NOD2: variants seen among roughly 807,000 people sequenced by gnomAD.
NOD2 encodes nucleotide binding oligomerization domain containing 2.
In NOD2, 86 loss-of-function variants were observed where a neutral mutation model predicts 90.9. The ratio of observed to expected loss-of-function variants is 0.95; its 90% CI spans 0.79 to 1.13. NOD2 has a LOEUF of 1.13. Among genes scored for constraint, NOD2 ranks in the 50% most tolerant of loss-of-function variants. NOD2 has a pLI of 0.00. For missense variants in NOD2, 1,238 were observed against 1,283.8 expected (o/e 0.96, Z 0.55); for synonymous variants, 581 against 554.6 (o/e 1.05, Z -0.67).
Position 50,698,478 on chromosome 16 carries a change from A to G in NOD2, c.-8-1010A>G, listed in dbSNP as rs142257193. 6.6e-5 allele frequency among the ~76,000 whole-genome samples: 10 copies of G among 152,326 alleles called. No homozygotes were observed. In the East Asian group the frequency reaches 1.9e-3, roughly 29 times the overall value. ...ACCGTAATTTTTCACTTCGCCTAGG[A>G]CAGGACCTTTAGAGCAATATTCTGA... On this transcript the variant is annotated intron_variant, in intron 1 of 11. Transcript: ENST00000647318.
intron 6 of NOD2, 68 bp downstream of exon 6, chr16:50,717,042 G>A: frequency 1.3e-5 from 18 of 1,409,850 alleles, no homozygotes; most frequent in Non-Finnish European, 1.8e-5. Context: ...GTCTGATCTG[G>A]TCTTGGCCTG....
intron 4 of NOD2, among the ~76,000 whole-genome samples, chr16:50,715,153 G>T (rs1474534172): frequency 2.0e-5 from 3 of 152,328 alleles, no homozygotes; most frequent in African/African-American, 7.2e-5. Context: ...GAGCCAAGCC[G>T]CCTAGGCTCA....
At position 50,711,611 on chromosome 16, in the gene NOD2, C is replaced by T. The variant is rs1275740212; in HGVS notation, c.1619C>T (p.Ala540Val). 1.2e-6 allele frequency: 2 copies of T among 1,611,714 alleles called. No individual in the cohort carries two copies. Among genetic ancestry groups the T allele is most frequent in the Non-Finnish European group, 1.7e-6 (2 of 1,180,008 alleles). ...GLGMCCYVFS[A>V]QQLQAAQVSP... Reference sequence around the variant, plus strand: ...GGCATGTGCTGCTACGTGTTCTCAGCCCAGCAGCTCCAGGCAGCACAGGTC... The same window carrying T: ...GGCATGTGCTGCTACGTGTTCTCAGTCCAGCAGCTCCAGGCAGCACAGGTC... Residue 540 changes from alanine to valine, a missense_variant, in exon 4 of 12, where the codon GCC becomes GTC. Ala to Val is a moderately conservative substitution (Grantham distance 64, BLOSUM62 0). Around this residue, in one of 3 missense-constraint regions of NOD2, gnomAD observed 667 missense variants for 688.7 expected, o/e 0.97. Coordinates refer to ENST00000647318, the MANE Select transcript of NOD2 (RefSeq NM_001370466.1).
chr16:50,716,956 A>G lies in NOD2; in HGVS notation c.2531A>G (p.Gln844Arg). The G allele has an allele frequency of 6.2e-7, 1 of 1,614,260 alleles. No individual in the cohort carries two copies. Among genetic ancestry groups the G allele is most frequent in the Non-Finnish European group, 8.5e-7 (1 of 1,180,036 alleles). Residue 844 changes from glutamine to arginine, a missense_variant, in exon 6 of 12, where the codon CAG becomes CGG. Gln to Arg is a conservative substitution (Grantham distance 43). Coordinates refer to ENST00000647318, the MANE Select transcript of NOD2 (RefSeq NM_001370466.1). ...HSMAKLLACR[Q>R]NFLALRLGNN... is the part of the protein sequence containing the mutation. ...ATGGCTAAGCTCCTTGCATGCAGGCAGAACTTCTTGGCATTGAGGTGAGCC... is the reference window on the plus strand; with the variant it reads ...ATGGCTAAGCTCCTTGCATGCAGGCGGAACTTCTTGGCATTGAGGTGAGCC...
chr16:50,706,772 C>A (rs1441131032), intron 2 of NOD2, among the ~76,000 whole-genome samples: 2 of 150,840 alleles, frequency 1.3e-5, no homozygotes, highest in African/African-American at 4.9e-5. Context: ...TCTCGGCTCA[C>A]TGCAACCTCC....
chr16:50,716,781 A>G, intron 5 of NOD2, 110 bp from the exon 6 acceptor site: 1 of 1,461,588 alleles, frequency 6.8e-7, no homozygotes, highest in Non-Finnish European at 9.6e-7. Context: ...TGTTTGCATG[A>G]TGGGGGGTGC....
intron 1 of NOD2, among the ~76,000 whole-genome samples, chr16:50,695,218 C>T (rs566297360): frequency 4.7e-4 from 71 of 151,768 alleles, no homozygotes; most frequent in African/African-American, 1.6e-3. Flanking sequence ...CTGTCATTCT[C>T]GGGAGAGACC....
chr16:50,716,774 T>C (rs1964817084), intron 5 of NOD2, 104 bp downstream of exon 5: 2 of 1,474,180 alleles, frequency 1.4e-6, no homozygotes, highest in Non-Finnish European at 9.5e-7. Context: ...CAGGGGCTGT[T>C]TGCATGATGG....
rs1596819304 is a variant in NOD2, at chr16:50,697,313, C to G, written c.-8-2175C>G. The G allele has an allele frequency of 6.4e-7, 1 of 1,556,344 alleles. No individual in the cohort carries two copies. The highest frequency in any genetic ancestry group is 1.9e-5 in the Admixed American group (1 of 51,766). Reference sequence around the variant, plus strand: ...AGCAAGTGTCCTCCTCGGACATTCTCCGGGTAAGAGGAGCAGGCATTGTCC... The same window carrying G: ...AGCAAGTGTCCTCCTCGGACATTCTGCGGGTAAGAGGAGCAGGCATTGTCC... On this transcript the variant is annotated intron_variant, in intron 1 of 11. Coordinates refer to ENST00000647318, the MANE Select transcript of NOD2 (RefSeq NM_001370466.1).
rs1187029221 is a variant in NOD2, at chr16:50,725,518, G to A, written c.2831G>A (p.Gly944Asp). The A allele has an allele frequency of 1.9e-6, 3 of 1,614,114 alleles. No homozygotes were observed. The highest frequency in any genetic ancestry group is 1.3e-5 in the African/African-American group (1 of 75,038). ...GAGGAGAACCATCTCCAGGATGAAG[G>A]TGTATGTTCTCTCGCAGAAGGACTG... Reference protein sequence around the residue: ...CLEENHLQDEGVCSLAEGLKK... With the variant: ...CLEENHLQDEDVCSLAEGLKK... Residue 944 changes from glycine to aspartate, a missense_variant, in exon 10 of 12, where the codon GGT becomes GAT. Gly to Asp is a moderately conservative substitution (Grantham distance 94, BLOSUM62 -1). Around this residue, in one of 3 missense-constraint regions of NOD2, gnomAD observed 667 missense variants for 688.7 expected, o/e 0.97. Coordinates refer to ENST00000647318, the MANE Select transcript of NOD2 (RefSeq NM_001370466.1).
intron 2 of NOD2, among the ~76,000 whole-genome samples, chr16:50,704,519 A>G (rs1424020838): frequency 6.7e-6 from 1 of 148,810 alleles, no homozygotes; most frequent in Non-Finnish European, 1.5e-5. Context: ...ATTGCTTCTA[A>G]GAATTCCAAA....
rs1251923947 is a variant in NOD2, at chr16:50,711,549, C to A, written c.1557C>A (p.Thr519=). 6.2e-7 allele frequency: 1 copy of A among 1,612,660 alleles called. No individual in the cohort carries two copies. The highest frequency in any genetic ancestry group is 8.5e-7 in the Non-Finnish European group (1 of 1,180,028). ...GTCTTCTTCGGGGCCGCCTCCCCAC[C>A]CTCCTGCACCTGGGCAGACTGGCTC... ...GPSLLRGRLP[T]LLHLGRLALW... The change falls in exon 4 of 12, where the codon ACC becomes ACA. Residue 519 remains threonine, a synonymous_variant. Coordinates refer to ENST00000647318, the MANE Select transcript of NOD2 (RefSeq NM_001370466.1).
chr16:50,721,911 C>T (rs1411806343), intron 7 of NOD2, among the ~76,000 whole-genome samples: 1 of 152,152 alleles, frequency 6.6e-6, no homozygotes, highest in African/African-American at 2.4e-5. Context: ...CCCTGGGGCA[C>T]AGAGCAGTGC....
intron 3 of NOD2, among the ~76,000 whole-genome samples, chr16:50,709,263 G>A (rs185076904): frequency 3.0e-4 from 46 of 152,258 alleles, no homozygotes; most frequent in African/African-American, 9.9e-4. Context: ...AACACAGGGC[G>A]TCCCCTTTGT....
chr16:50,721,564 C>T (rs1195676353), intron 7 of NOD2, among the ~76,000 whole-genome samples: 3 of 152,026 alleles, frequency 2.0e-5, no homozygotes, highest in Admixed American at 2.0e-4. Flanking sequence ...GCAATCATAG[C>T]TCATTGTAGC....
In NOD2 at chr16:50,732,800, G is replaced by A. The variant is rs1965501625; in HGVS notation, c.*981G>A. 6.6e-6 allele frequency: 1 copy of A among 152,314 alleles called. No individual in the cohort carries two copies. The highest frequency in any genetic ancestry group is 2.4e-5 in the African/African-American group (1 of 41,430). The allele number at this position is 152,314 out of a possible 1,614,324, so 9.4% of individuals were successfully genotyped here. ...CATTTGTGCCAGAATGCTTTAGGAT[G>A]TACAGTTATGGATTGAAAGTTTACA... On this transcript the variant is annotated 3_prime_UTR_variant, in exon 12 of 12. Transcript: ENST00000647318.
intron 9 of NOD2, among the ~76,000 whole-genome samples, chr16:50,724,375 A>G (rs1596905507): frequency 6.6e-6 from 1 of 152,362 alleles, no homozygotes; most frequent in Middle Eastern, 3.4e-3. Context: ...ATTACTGTTA[A>G]AAGAAAAACT....
chr16:50,698,164 G>A (rs1034507562), intron 1 of NOD2: 2 of 152,372 alleles, frequency 1.3e-5, no homozygotes, highest in Admixed American at 6.5e-5. Flanking sequence ...CGTTTCTTCG[G>A]GGCACTGCAG....
At chr16:50,697,023 C>T (rs1233680448) in intron 1 of NOD2, 1 of 606,714 alleles carries the variant, frequency 1.6e-6, no homozygotes, top group South Asian at 1.9e-5. Context: ...TCATGGTCTC[C>T]AGGATGCACA....
Sources: allele counts gnomAD v4.1 joint callset (sites outside exome capture counted in the v4.1 genomes callset), GRCh38; gene constraint gnomAD v4.1.1; regional missense constraint gnomAD v4.1.1; transcripts MANE v1.5; gene names NCBI Gene and HGNC (gene_info 2026-07-23, HGNC 2026-07-21).